Variants in ME3 observed in about 807,000 individuals in gnomAD.
ME3 encodes the protein malic enzyme 3.
ME3 carries 48 observed loss-of-function variants against 68.9 expected under a neutral mutation model. That is an observed-to-expected ratio of 0.70 (90% confidence interval 0.55 to 0.89). The LOEUF (loss-of-function observed/expected upper bound fraction) is 0.89, where lower values mean the gene tolerates loss of function less well. Among genes scored for constraint, ME3 ranks in the 40% least tolerant of loss-of-function variants. The probability of loss-of-function intolerance (pLI) is 0.00; values close to 1 mark genes in which losing one functional copy is unlikely to be tolerated. For synonymous variants in ME3, 320 were observed against 318.8 expected (o/e 1.00, Z -0.04); for missense variants, 675 against 797.4 (o/e 0.85, Z 1.85).
intron 4 of ME3, among the ~76,000 whole-genome samples, chr11:86,518,990 C>T (rs546703461): frequency 8.9e-4 from 135 of 152,292 alleles, no homozygotes; most frequent in Non-Finnish European, 1.5e-3. Context: ...AGAGGGAGCA[C>T]GACCTGCTGA....
At chr11:86,629,311 C>T (rs553949052) in intron 2 of ME3, among the ~76,000 whole-genome samples, 2 of 152,234 alleles carry the variant, frequency 1.3e-5, no homozygotes, top group East Asian at 1.9e-4. Context: ...AAACACATTT[C>T]GAGAGAAAGA....
At chr11:86,508,478 A>G (rs1377199718) in intron 5 of ME3, among the ~76,000 whole-genome samples, 2 of 152,198 alleles carry the variant, frequency 1.3e-5, no homozygotes, top group African/African-American at 2.4e-5. Context: ...AAGAGGGTCT[A>G]TGCCTGATTT....
chr11:86,541,300 G>A (rs1036201111), intron 4 of ME3, among the ~76,000 whole-genome samples: 1 of 151,888 alleles, frequency 6.6e-6, no homozygotes, highest in East Asian at 1.9e-4. Flanking sequence ...TGAGAGAACC[G>A]TTCACTTGCC....
intron 4 of ME3, among the ~76,000 whole-genome samples, chr11:86,542,863 A>G (rs1393947155): frequency 1.3e-5 from 2 of 152,186 alleles, no homozygotes; most frequent in Non-Finnish European, 2.9e-5. Flanking sequence ...CAGATTCACC[A>G]AGGTTGAAAT....
At chr11:86,570,252 G>A (rs939826533) in intron 2 of ME3, among the ~76,000 whole-genome samples, 9 of 152,168 alleles carry the variant, frequency 5.9e-5, no homozygotes, top group South Asian at 2.1e-4. Context: ...TCAATCAACC[G>A]TGGCAGCATA....
At chr11:86,534,400 C>G (rs11234684) in intron 4 of ME3, among the ~76,000 whole-genome samples, 1 of 151,968 alleles carries the variant, frequency 6.6e-6, no homozygotes, top group Admixed American at 6.5e-5. Flanking sequence ...TTAGGCTGGG[C>G]GAGGTGGCTT....
chr11:86,533,216 G>A (rs1230120663), intron 4 of ME3, among the ~76,000 whole-genome samples: 2 of 151,988 alleles, frequency 1.3e-5, no homozygotes, highest in African/African-American at 4.8e-5. Flanking sequence ...AAAACTAAGA[G>A]TTGGGTTTTT....
rs560440742 is a variant in ME3, at chr11:86,628,549, T to C, written c.183+43213A>G. ...TATTTTTTTAAATTTCTCAAATGAC[T>C]GTAAAGTGCAGTCAAAGCTGAGAAT... On this transcript the variant is annotated intron_variant, in intron 2 of 14. Coordinates refer to ENST00000543262, the Ensembl canonical transcript of ME3. 9.2e-5 allele frequency among the ~76,000 whole-genome samples: 14 copies of C among 152,300 alleles called. No individual in the cohort carries two copies. The South Asian group carries it at 2.9e-3, about 32-fold the overall frequency.
chr11:86,582,886 T>C (rs1958522700), intron 2 of ME3, among the ~76,000 whole-genome samples: 1 of 150,978 alleles, frequency 6.6e-6, no homozygotes, highest in Non-Finnish European at 1.5e-5. Flanking sequence ...ACAAAAGGCT[T>C]TCTCTGTATT....
chr11:86,563,688 C>T (rs117396631), intron 2 of ME3, among the ~76,000 whole-genome samples: 1,633 of 152,228 alleles, frequency 0.011, 72 homozygotes, highest in East Asian at 0.083. Flanking sequence ...TATCCCAGCA[C>T]CATTTATTGA....
chr11:86,447,855 CAAAAAAA>C (rs35352939), intron 11 of ME3, among the ~76,000 whole-genome samples: 12,138 of 120,744 alleles, frequency 0.1, 714 homozygotes, highest in East Asian at 0.28. Flanking sequence ...TAAACTCTGT[CAAAAAAA>C]AAAAAAAAAA....
chr11:86,446,348 T>C, exon 13 of ME3: 1 of 1,614,170 alleles, frequency 6.2e-7, no homozygotes, highest in Non-Finnish European at 8.5e-7. Context: ...ATCTGGGATG[T>C]GCCGGATCCC....
chr11:86,612,290 A>G (rs1359495091), intron 2 of ME3, among the ~76,000 whole-genome samples: 1 of 152,066 alleles, frequency 6.6e-6, no homozygotes, highest in East Asian at 1.9e-4. Flanking sequence ...TATGTACCAC[A>G]TTTTCTTTAT....
chr11:86,508,155 AG>A (rs920039870), intron 5 of ME3, among the ~76,000 whole-genome samples: 11 of 152,050 alleles, frequency 7.2e-5, no homozygotes, highest in African/African-American at 2.7e-4. Context: ...GTGTACTCCC[AG>A]GGTACACATA....
chr11:86,510,445 A>G (rs1465886792), intron 4 of ME3, among the ~76,000 whole-genome samples: 2 of 152,132 alleles, frequency 1.3e-5, no homozygotes, highest in East Asian at 1.9e-4. Context: ...AAGTTCCTCA[A>G]AAATCTGTAC....
At chr11:86,567,859 A>G (rs1259157999) in intron 2 of ME3, among the ~76,000 whole-genome samples, 1 of 152,228 alleles carries the variant, frequency 6.6e-6, no homozygotes, top group Non-Finnish European at 1.5e-5. Context: ...GGGAAGTGTG[A>G]GAACTTATAT....
At chr11:86,543,312 C>T (rs1956158818) in intron 4 of ME3, among the ~76,000 whole-genome samples, 1 of 152,156 alleles carries the variant, frequency 6.6e-6, no homozygotes, top group Admixed American at 6.5e-5. Flanking sequence ...CCATATTAAT[C>T]TTCAATGTAA....
intron 2 of ME3, among the ~76,000 whole-genome samples, chr11:86,662,367 T>C (rs550754647): frequency 6.6e-6 from 1 of 152,122 alleles, no homozygotes; most frequent in Non-Finnish European, 1.5e-5. Flanking sequence ...GGTGGGAGGA[T>C]CACTTGAGGC....
intron 14 of ME3, among the ~76,000 whole-genome samples, chr11:86,442,319 G>T (rs1314143921): frequency 6.6e-6 from 1 of 152,176 alleles, no homozygotes; most frequent in Non-Finnish European, 1.5e-5. Context: ...AGAGCACTGG[G>T]TATGGAGCTT....
Sources: gnomAD v4.1 joint callset for allele counts (sites outside exome capture counted in the v4.1 genomes callset) on GRCh38, gnomAD v4.1.1 for gene constraint, MANE v1.5 for transcripts, NCBI Gene and HGNC (gene_info 2026-07-23, HGNC 2026-07-21) for gene names.